The following DGKI variants were observed in gnomAD, a reference collection of about 807,000 sequenced individuals.
DGKI encodes diacylglycerol kinase iota.
DGKI carries 55 observed loss-of-function variants against 147.5 expected under a neutral mutation model. The ratio of observed to expected loss-of-function variants is 0.37; its 90% CI spans 0.30 to 0.47. The LOEUF (loss-of-function observed/expected upper bound fraction) is 0.47, where lower values mean the gene tolerates loss of function less well. Among genes scored for constraint, DGKI ranks in the 20% least tolerant of loss-of-function variants. The pLI, the probability that DGKI is intolerant of heterozygous loss-of-function variation, is 1.00. For missense variants in DGKI, 1,007 were observed against 1,323.8 expected, an observed-to-expected ratio of 0.76 and a Z score of 3.71; for synonymous variants, 469 against 477.1, an observed-to-expected ratio of 0.98 and a Z score of 0.22.
At chr7:137,682,977 A>C (rs530936787) in intron 2 of DGKI, among the ~76,000 whole-genome samples, 1 of 152,298 alleles carries the variant, frequency 6.6e-6, no homozygotes, top group East Asian at 1.9e-4. Flanking sequence ...AAGCCATTAT[A>C]CATTTGAGTC....
At chr7:137,821,453 A>G (rs556944758) in intron 1 of DGKI, among the ~76,000 whole-genome samples, 2 of 152,320 alleles carry the variant, frequency 1.3e-5, no homozygotes, top group South Asian at 4.1e-4. Flanking sequence ...GTCCTTTAGA[A>G]GTAAGAGGAA....
At chr7:137,739,627 C>T (rs1203553485) in intron 1 of DGKI, among the ~76,000 whole-genome samples, 2 of 152,142 alleles carry the variant, frequency 1.3e-5, no homozygotes, top group African/African-American at 4.8e-5. Flanking sequence ...GAACAAAACT[C>T]ATTTGCCCTG....
chr7:137,485,477 C>A, intron 22 of DGKI, 59 bp from the exon 23 acceptor site: 1 of 1,351,558 alleles, frequency 7.4e-7, no homozygotes, highest in South Asian at 1.3e-5. Context: ...CAAGCTGCCC[C>A]ACAACTCAAT....
At chr7:137,501,385 C>G (rs1162567230) in intron 21 of DGKI, among the ~76,000 whole-genome samples, 2 of 152,058 alleles carry the variant, frequency 1.3e-5, no homozygotes, top group Non-Finnish European at 2.9e-5. Flanking sequence ...CTACACATAC[C>G]CAGCAGTGGG....
At chr7:137,809,888 C>T (rs796787657) in intron 1 of DGKI, among the ~76,000 whole-genome samples, 16 of 150,630 alleles carry the variant, frequency 1.1e-4, no homozygotes, top group African/African-American at 3.2e-4. Flanking sequence ...TGAGCAACAG[C>T]GCAAAACCCA....
chr7:137,455,417 G>T (rs1002447629), intron 27 of DGKI, among the ~76,000 whole-genome samples: 1 of 152,102 alleles, frequency 6.6e-6, no homozygotes, highest in African/African-American at 2.4e-5. Context: ...GAATAATTCA[G>T]TGACTCCAGT....
intron 20 of DGKI, chr7:137,545,926 C>A (rs1200695013): frequency 1.4e-6 from 1 of 702,654 alleles, no homozygotes; most frequent in African/African-American, 1.7e-5. Flanking sequence ...GGGGAGCAGA[C>A]ACTCGCCGCA....
intron 2 of DGKI, among the ~76,000 whole-genome samples, chr7:137,679,634 T>C (rs567783955): frequency 6.6e-6 from 1 of 152,252 alleles, no homozygotes; most frequent in African/African-American, 2.4e-5. Context: ...TCATCAGATG[T>C]ACATGGGCAT....
chr7:137,521,105 G>A (rs883222), intron 21 of DGKI, among the ~76,000 whole-genome samples: 16,478 of 151,882 alleles, frequency 0.11, 1,921 homozygotes, highest in African/African-American at 0.29. Flanking sequence ...GGAAGGAGCC[G>A]AGAACCCTAA....
intron 1 of DGKI, among the ~76,000 whole-genome samples, chr7:137,773,477 C>T (rs1365518667): frequency 1.3e-5 from 2 of 152,154 alleles, no homozygotes; most frequent in Admixed American, 6.5e-5. Context: ...CTGAGGGACC[C>T]TCTTCTCAGG....
In DGKI at chr7:137,498,069, G is replaced by A. The variant is rs184149006; in HGVS notation, c.2249-10380C>T. Among the ~76,000 whole-genome samples, 707 of 151,898 alleles carry A rather than the reference G, an allele frequency of 4.7e-3. 3 individuals are homozygous for A. Among genetic ancestry groups the A allele is most frequent in the Non-Finnish European group, 7.5e-3 (512 of 67,924 alleles). On this transcript the variant is annotated intron_variant, in intron 21 of 32. Coordinates refer to ENST00000614521, the MANE Select transcript of DGKI (RefSeq NM_001321708.2). ...ATGGAATGGAAATTTCCAAGAAATGGAAAAATTATAATATTAAATGATACA... is the reference window on the plus strand; with the variant it reads ...ATGGAATGGAAATTTCCAAGAAATGAAAAAATTATAATATTAAATGATACA...
intron 28 of DGKI, among the ~76,000 whole-genome samples, chr7:137,441,051 T>G (rs1714867151): frequency 1.3e-5 from 2 of 152,190 alleles, no homozygotes; most frequent in East Asian, 3.9e-4. Flanking sequence ...CGAGCAAACA[T>G]CACAGATAAA....
chr7:137,503,356 G>T lies in DGKI; in HGVS notation c.2249-15667C>A, dbSNP rs536700136. 4.1e-4 allele frequency among the ~76,000 whole-genome samples: 63 copies of T among 152,220 alleles called. No individual in the cohort carries two copies. In the South Asian group the frequency reaches 0.012, roughly 30 times the overall value. ...ACAGAAAATCACTGTGACTTGTTTT[G>T]CTATTAAAATTCTTACAACAGAATT... On this transcript the variant is annotated intron_variant, in intron 21 of 32. Coordinates refer to ENST00000614521, the MANE Select transcript of DGKI (RefSeq NM_001321708.2).
intron 1 of DGKI, among the ~76,000 whole-genome samples, chr7:137,800,590 T>A (rs919637187): frequency 6.6e-6 from 1 of 152,190 alleles, no homozygotes; most frequent in Non-Finnish European, 1.5e-5. Flanking sequence ...CATGAGCCCA[T>A]TAAACATCTT....
At chr7:137,440,209 C>T (rs1236580512) in intron 28 of DGKI, among the ~76,000 whole-genome samples, 4 of 152,186 alleles carry the variant, frequency 2.6e-5, no homozygotes. Flanking sequence ...AGCTTATCTT[C>T]TAACAAGGAG....
intron 21 of DGKI, among the ~76,000 whole-genome samples, chr7:137,504,327 T>A (rs114938021): frequency 6.6e-6 from 1 of 152,304 alleles, no homozygotes; most frequent in South Asian, 2.1e-4. Context: ...TATGAAGCCA[T>A]TGACCTATTC....
intron 2 of DGKI, among the ~76,000 whole-genome samples, chr7:137,686,339 A>G (rs1267413542): frequency 1.3e-5 from 2 of 152,208 alleles, no homozygotes; most frequent in African/African-American, 2.4e-5. Context: ...TGCTGTCAAT[A>G]GAAGACTCAG....
intron 6 of DGKI, among the ~76,000 whole-genome samples, chr7:137,638,611 TAC>T (rs1216708043): frequency 3.7e-4 from 2 of 5,348 alleles, no homozygotes; most frequent in Non-Finnish European, 1.0e-3. Context: ...TGTATATATA[TAC>T]ACACACACAT....
At chr7:137,572,938 T>C in intron 17 of DGKI, 100 bp from the exon 18 acceptor site, 2 of 787,034 alleles carry the variant, frequency 2.5e-6, no homozygotes, top group Non-Finnish European at 4.1e-6. Flanking sequence ...ATGGTCTCTT[T>C]CTCCTTGCCC....
Sources: gnomAD v4.1 joint callset for allele counts (sites outside exome capture counted in the v4.1 genomes callset) on GRCh38, gnomAD v4.1.1 for gene constraint, MANE v1.5 for transcripts, NCBI Gene and HGNC (gene_info 2026-07-23, HGNC 2026-07-21) for gene names.